PALD1: variants seen among roughly 807,000 people sequenced by gnomAD.
PALD1 encodes paladin.
PALD1 carries 57 observed loss-of-function variants against 96.0 expected under a neutral mutation model. The ratio of observed to expected loss-of-function variants is 0.59; its 90% CI spans 0.48 to 0.74. The LOEUF is 0.74. Among genes scored for constraint, PALD1 ranks in the 30% least tolerant of loss-of-function variants. The pLI is 0.00. For synonymous variants in PALD1, 464 were observed against 473.6 expected (o/e 0.98, Z 0.26); for missense variants, 1,063 against 1,143.7 (o/e 0.93, Z 1.02).
intron 18 of PALD1, among the ~76,000 whole-genome samples, chr10:70,559,203 A>G (rs549353281): frequency 2.5e-4 from 38 of 152,232 alleles, no homozygotes; most frequent in African/African-American, 7.0e-4. Context: ...CTCCATGAGA[A>G]GGTGGTGTTG....
chr10:70,532,817 G>A, intron 6 of PALD1, 36 bp downstream of exon 6: 2 of 1,608,460 alleles, frequency 1.2e-6, no homozygotes, highest in African/African-American at 2.7e-5. Flanking sequence ...GGCCATGGGT[G>A]CTCCAGGTCC....
intron 18 of PALD1, among the ~76,000 whole-genome samples, chr10:70,551,744 G>T (rs997223860): frequency 2.0e-5 from 3 of 152,210 alleles, no homozygotes; most frequent in Non-Finnish European, 4.4e-5. Flanking sequence ...AGGGCCCTCA[G>T]TTGGGAACAG....
intron 10 of PALD1, among the ~76,000 whole-genome samples, chr10:70,537,440 G>A (rs184870762): frequency 1.1e-4 from 17 of 152,292 alleles, no homozygotes; most frequent in African/African-American, 4.1e-4. Flanking sequence ...CTGGCTCGGG[G>A]GTGTTCACAC....
Position 70,539,734 on chromosome 10 carries a change from T to G in PALD1, c.1880T>G (p.Met627Arg), listed in dbSNP as rs771326091. The change falls in exon 15 of 20, where the codon ATG becomes AGG. Residue 627 changes from methionine (M) to arginine (R), a missense_variant. By Grantham distance (91) the Met-to-Arg change is moderately conservative. Transcript: ENST00000263563. The surrounding 1 kb of genome is among the most constrained non-coding windows in gnomAD (Gnocchi z 4.5). ...GGCCTCACCTACCACCGCATCCCCA[T>G]GCCGGACTTCTGTGCCCCCCGAGAG... The part of the protein sequence containing the change: ...CPGLTYHRIP[M>R]PDFCAPREED... 2 of 1,612,290 alleles carry G rather than the reference T, an allele frequency of 1.2e-6. No individual in the cohort carries two copies. The highest frequency in any genetic ancestry group is 2.7e-5 in the African/African-American group (2 of 74,928).
Position 70,478,903 on chromosome 10 carries a change from C to T in PALD1, c.-186C>T, listed in dbSNP as rs925261750. The T allele has an allele frequency of 1.3e-4, 20 of 152,126 alleles. No homozygotes were observed. Among genetic ancestry groups the T allele is most frequent in the African/African-American group, 4.8e-4 (20 of 41,536 alleles). 9.4% of individuals were successfully genotyped at this position (152,126 alleles called of 1,614,324 possible). A position where few individuals can be genotyped will look rare whatever the true frequency, so the allele number is the denominator to read the frequency against. ...CTGGCCTGCCCACCTCCGGAGCCAC[C>T]TCTGCCCCCGCATGGGCTGGCGAAG... is the stretch of plus-strand genomic sequence containing the variant. On this transcript the variant is annotated 5_prime_UTR_variant, in exon 1 of 20. Transcript: ENST00000263563.
At chr10:70,566,545 C>T (rs2132455599) in intron 19 of PALD1, 36 bp from the exon 20 acceptor site, 4 of 1,558,464 alleles carry the variant, frequency 2.6e-6, no homozygotes, top group East Asian at 4.7e-5. Flanking sequence ...CCCTCCCTCC[C>T]CTGAAACACT....
In PALD1 at chr10:70,556,279, C is replaced by CCTCTCTCTCTCTCTCT. The variant is rs112574716; in HGVS notation, c.2263-8072_2263-8057dup. On this transcript the variant is annotated intron_variant, in intron 18 of 19. Transcript: ENST00000263563. ...GGGCACATGTTCTCAGTAGCCGAGACCTCTCTCTCTCTCTCTCTCTCTCTC... is the reference window on the plus strand; with the variant it reads ...GGGCACATGTTCTCAGTAGCCGAGACCTCTCTCTCTCTCTCTCTCTCTCTCTCTCTCTCTCTCTCTC... Among the ~76,000 whole-genome samples the CCTCTCTCTCTCTCTCT allele has an allele frequency of 2.7e-3, 352 of 128,678 alleles. 4 individuals are homozygous for CCTCTCTCTCTCTCTCT. Among genetic ancestry groups the CCTCTCTCTCTCTCTCT allele is most frequent in the African/African-American group, 9.7e-3 (333 of 34,330 alleles). The allele number at this position is 128,678 out of a possible 152,430, so 84.4% of individuals were successfully genotyped here. A position where few individuals can be genotyped will look rare whatever the true frequency, so the allele number is the denominator to read the frequency against.
At chr10:70,520,522 G>A (rs1846708638) in intron 1 of PALD1, among the ~76,000 whole-genome samples, 1 of 152,178 alleles carries the variant, frequency 6.6e-6, no homozygotes, top group Non-Finnish European at 1.5e-5. Flanking sequence ...TTGACAAAAG[G>A]CTCACCACTC....
At chr10:70,479,451 T>C (rs1326821810) in intron 1 of PALD1, among the ~76,000 whole-genome samples, 6 of 152,134 alleles carry the variant, frequency 3.9e-5, no homozygotes. Context: ...GGGACTCATC[T>C]CTAGGGGGCG....
At chr10:70,564,326 A>AT (rs1847796580) in intron 18 of PALD1, 38 bp from the exon 19 acceptor site, 3 of 1,575,666 alleles carry the variant, frequency 1.9e-6, no homozygotes, top group Non-Finnish European at 2.6e-6. Context: ...GGGGACACGG[A>AT]TCCCCCCACA....
chr10:70,471,910 G>A, the PALD1 span, among the ~76,000 whole-genome samples: 1 of 152,216 alleles, frequency 6.6e-6, no homozygotes, highest in Non-Finnish European at 1.5e-5. Flanking sequence ...TGGCATGCAG[G>A]AAACTGAACC....
chr10:70,504,531 A>G (rs1351506446), intron 1 of PALD1, among the ~76,000 whole-genome samples: 1 of 152,220 alleles, frequency 6.6e-6, no homozygotes. Flanking sequence ...TCAGAAAACT[A>G]ACAAACAAAA....
At chr10:70,532,596 C>T (rs1055827764) in intron 5 of PALD1, 25 bp from the exon 6 acceptor site, 12 of 1,609,868 alleles carry the variant, frequency 7.5e-6, no homozygotes, top group African/African-American at 1.3e-5. Flanking sequence ...GGCCATGGCC[C>T]TCTGACCCCC....
intron 18 of PALD1, among the ~76,000 whole-genome samples, chr10:70,550,469 A>G (rs1054894632): frequency 6.6e-6 from 1 of 152,214 alleles, no homozygotes; most frequent in African/African-American, 2.4e-5. Context: ...GGGGATGTAT[A>G]CAATTCACGA....
Position 70,538,822 on chromosome 10 carries a change from G to T in PALD1, c.1453-70G>T, listed in dbSNP as rs957549094. 6.7e-6 allele frequency: 9 copies of T among 1,348,944 alleles called. No homozygotes were observed. In the African/African-American group the frequency reaches 7.2e-5, roughly 11 times the overall value. 83.6% of individuals were successfully genotyped at this position (1,348,944 alleles called of 1,614,324 possible). A position where few individuals can be genotyped will look rare whatever the true frequency, so the allele number is the denominator to read the frequency against. On this transcript the variant is annotated intron_variant, in intron 12 of 19. Coordinates refer to ENST00000263563, the MANE Select transcript of PALD1 (RefSeq NM_014431.3). ...CCACCCCACCCCCCGTCTGCCTTGG[G>T]CCAGGTCCTGACCCTTTCTGCGGCT...
chr10:70,533,468 C>T (rs750277432), intron 7 of PALD1, among the ~76,000 whole-genome samples: 1 of 152,144 alleles, frequency 6.6e-6, no homozygotes, highest in Non-Finnish European at 1.5e-5. Flanking sequence ...GGCCCAGCTG[C>T]TGGCCGTGGC....
At chr10:70,506,474 G>A (rs1275385685) in intron 1 of PALD1, among the ~76,000 whole-genome samples, 13 of 152,232 alleles carry the variant, frequency 8.5e-5, no homozygotes, top group Admixed American at 8.5e-4. Flanking sequence ...TTAGATGACA[G>A]ATGCACGGCT....
intron 1 of PALD1, among the ~76,000 whole-genome samples, chr10:70,507,059 C>G (rs2132306382): frequency 6.6e-6 from 1 of 152,128 alleles, no homozygotes; most frequent in Admixed American, 6.5e-5. Flanking sequence ...CAAAGTTGAT[C>G]CTTTAAAAAA....
chr10:70,558,370 G>A (rs74141906), intron 18 of PALD1, among the ~76,000 whole-genome samples: 5,113 of 152,174 alleles, frequency 0.034, 218 homozygotes, highest in African/African-American at 0.1. Flanking sequence ...ACAGGCAACC[G>A]AGGTGTCCTG....
Sources: gnomAD v4.1 joint callset for allele counts (sites outside exome capture counted in the v4.1 genomes callset) on GRCh38, gnomAD v4.1.1 for gene constraint, Gnocchi (gnomAD v3.1) non-coding constraint, MANE v1.5 for transcripts, NCBI Gene and HGNC (gene_info 2026-07-23, HGNC 2026-07-21) for gene names.